The following NFIB variants were observed in gnomAD, a reference collection of about 807,000 sequenced individuals.
The protein encoded by NFIB is nuclear factor 1 B-type.
A neutral mutation model predicts 61.5 loss-of-function variants in NFIB; 11 were observed. That is an observed-to-expected ratio of 0.18 (90% confidence interval 0.11 to 0.30). The LOEUF (loss-of-function observed/expected upper bound fraction) is 0.30. NFIB is among the 10% of genes least tolerant of loss of function. The pLI, the probability that NFIB is intolerant of heterozygous loss-of-function variation, is 1.00. For missense variants in NFIB, 471 were observed against 608.9 expected (o/e 0.77, Z 2.38); for synonymous variants, 260 against 216.5 (o/e 1.20, Z -1.76).
At chr9:14,103,029 AC>A (rs1173521243) in intron 10 of NFIB, among the ~76,000 whole-genome samples, 3 of 152,218 alleles carry the variant, frequency 2.0e-5, no homozygotes, top group Non-Finnish European at 2.9e-5. Context: ...TTCAGTTTTA[AC>A]CTTTTACTAA....
intron 7 of NFIB, among the ~76,000 whole-genome samples, chr9:14,122,101 G>GAA (rs398040365): frequency 1.5e-5 from 1 of 65,476 alleles, no homozygotes; most frequent in Non-Finnish European, 2.5e-5. Context: ...TAAAGAATAT[G>GAA]AAAAAAAATA....
At chr9:14,419,197 T>A in the NFIB span, among the ~76,000 whole-genome samples, 1 of 148,702 alleles carries the variant, frequency 6.7e-6, no homozygotes. Flanking sequence ...ATGGAAAAAA[T>A]CCTTTCAAAG....
In NFIB at chr9:14,289,122, G is replaced by GCATA. The variant is rs1440414990; in HGVS notation, c.562+17866_562+17867insTATG. On this transcript the variant is annotated intron_variant, in intron 2 of 10. Coordinates refer to ENST00000380953, the MANE Select transcript of NFIB (RefSeq NM_001190737.2). Reference sequence around the variant, plus strand: ...TGTGTGTGTATGTGTGTGTGTATATGTATATATATATATATATACATATAT... The same window carrying GCATA: ...TGTGTGTGTATGTGTGTGTGTATATGCATATATATATATATATATATACATATAT... Among the ~76,000 whole-genome samples, 73 of 139,914 alleles carry GCATA rather than the reference G, an allele frequency of 5.2e-4. 1 individual carries two copies. Among genetic ancestry groups the GCATA allele is most frequent in the African/African-American group, 1.9e-3 (73 of 38,048 alleles). 91.8% of individuals were successfully genotyped at this position (139,914 alleles called of 152,430 possible).
chr9:14,108,185 T>C (rs556424138), intron 10 of NFIB, among the ~76,000 whole-genome samples: 1 of 152,214 alleles, frequency 6.6e-6, no homozygotes. Flanking sequence ...GATAGCGTTT[T>C]ACGTCAAGCT....
At chr9:14,328,761 A>G (rs2060785408) in intron 1 of NFIB, among the ~76,000 whole-genome samples, 1 of 152,182 alleles carries the variant, frequency 6.6e-6, no homozygotes, top group African/African-American at 2.4e-5. Flanking sequence ...ATTAGTGACA[A>G]ATGGTCACAG....
At chr9:14,465,330 G>A in the NFIB span, among the ~76,000 whole-genome samples, 2 of 152,126 alleles carry the variant, frequency 1.3e-5, no homozygotes, top group African/African-American at 4.8e-5. Context: ...TTCCATTTAG[G>A]AAGAAAACAA....
At chr9:14,427,112 C>T in the NFIB span, among the ~76,000 whole-genome samples, 1 of 152,062 alleles carries the variant, frequency 6.6e-6, no homozygotes, top group African/African-American at 2.4e-5. Context: ...ATACTTGTAG[C>T]TTTCTTTTTC....
the NFIB span, among the ~76,000 whole-genome samples, chr9:14,511,251 G>A: frequency 3.3e-5 from 5 of 151,782 alleles, no homozygotes; most frequent in South Asian, 6.3e-4. Flanking sequence ...TTCATAGTTC[G>A]TTTATATTTT....
intron 1 of NFIB, among the ~76,000 whole-genome samples, chr9:14,385,596 C>A (rs909234198): frequency 5.3e-5 from 8 of 152,126 alleles, no homozygotes; most frequent in Admixed American, 1.3e-4. Context: ...AGGAAAAAAA[C>A]CCACCAATAT....
chr9:14,484,762 GTTAATGAGACAGA>G, the NFIB span, among the ~76,000 whole-genome samples: 1 of 152,150 alleles, frequency 6.6e-6, no homozygotes, highest in Admixed American at 6.5e-5. Context: ...AGGATTAATG[GTTAATGAGACAGA>G]TTAAGTCTTG....
intron 3 of NFIB, among the ~76,000 whole-genome samples, chr9:14,170,113 T>C (rs1331999763): frequency 6.6e-6 from 1 of 152,218 alleles, no homozygotes; most frequent in Non-Finnish European, 1.5e-5. Flanking sequence ...GTTGCCTTAG[T>C]GCCTGGACAG....
At chr9:14,521,749 C>A in the NFIB span, among the ~76,000 whole-genome samples, 2 of 152,180 alleles carry the variant, frequency 1.3e-5, no homozygotes, top group South Asian at 2.1e-4. Context: ...AAAACTGTTA[C>A]ATTAGCAATC....
intron 4 of NFIB, among the ~76,000 whole-genome samples, chr9:14,151,202 T>C (rs996295220): frequency 1.3e-5 from 2 of 152,164 alleles, no homozygotes; most frequent in African/African-American, 2.4e-5. Flanking sequence ...GTATAACACG[T>C]GCTCAACCAT....
chr9:14,314,067 C>T lies in NFIB; in HGVS notation c.-556G>A, dbSNP rs1429148010. 3.8e-6 allele frequency: 4 copies of T among 1,057,250 alleles called. No homozygotes were observed. Among genetic ancestry groups the T allele is most frequent in the Non-Finnish European group, 3.4e-6 (3 of 875,092 alleles). 65.5% of individuals were successfully genotyped at this position (1,057,250 alleles called of 1,614,324 possible). ...AGCCCCAAGCACTGCGGCAGGATCC[C>T]GGAGTGGTGATCGCAGGCGAAACTT... is the stretch of plus-strand genomic sequence containing the variant. On this transcript the variant is annotated 5_prime_UTR_variant, in exon 1 of 11. Coordinates refer to ENST00000380953, the MANE Select transcript of NFIB (RefSeq NM_001190737.2).
chr9:14,363,116 C>G lies in NFIB; in HGVS notation c.108+35408G>C, dbSNP rs939104152. ...TGGGGATCTGCTAGAGAAATTGCAT[C>G]AAACTGAGCTAGAGAAGTTGCACCA... is the stretch of plus-strand genomic sequence containing the variant. On this transcript the variant is annotated intron_variant, in intron 1 of 8. Transcript: ENST00000380934. 3.3e-5 allele frequency among the ~76,000 whole-genome samples: 5 copies of G among 152,140 alleles called. No individual in the cohort carries two copies. In the South Asian group the frequency reaches 8.3e-4, roughly 25 times the overall value.
chr9:14,193,939 C>A (rs1263884957), intron 2 of NFIB, among the ~76,000 whole-genome samples: 1 of 152,080 alleles, frequency 6.6e-6, no homozygotes, highest in Admixed American at 6.5e-5. Flanking sequence ...TGCAATGTCC[C>A]TCTACATCCT....
intron 1 of NFIB, among the ~76,000 whole-genome samples, chr9:14,324,664 G>T (rs1357504275): frequency 6.6e-6 from 1 of 152,098 alleles, no homozygotes; most frequent in East Asian, 1.9e-4. Flanking sequence ...TCCAGAGTTT[G>T]TATCACCTGT....
the NFIB span, among the ~76,000 whole-genome samples, chr9:14,435,698 C>T: frequency 1.3e-5 from 2 of 152,290 alleles, no homozygotes; most frequent in East Asian, 3.9e-4. Context: ...ATAGAGGTCA[C>T]TCTAAAACAA....
chr9:14,435,823 T>G, the NFIB span, among the ~76,000 whole-genome samples: 2 of 152,202 alleles, frequency 1.3e-5, no homozygotes, highest in African/African-American at 4.8e-5. Flanking sequence ...CTCATCGGCC[T>G]CAGAACCAGG....
Sources: allele counts gnomAD v4.1 joint callset (sites outside exome capture counted in the v4.1 genomes callset), GRCh38; gene constraint gnomAD v4.1.1; transcripts MANE v1.5; gene names NCBI Gene and HGNC (gene_info 2026-07-23, HGNC 2026-07-21).